Variants in LRRC8E observed in about 807,000 individuals in gnomAD.
LRRC8E encodes volume-regulated anion channel subunit LRRC8E.
In LRRC8E, 6 loss-of-function variants were observed where a neutral mutation model predicts 6.1. The observed-to-expected ratio is 0.98, with a 90% CI of 0.54 to 1.93. The LOEUF is 1.93. Among genes scored for constraint, LRRC8E ranks in the 30% most tolerant of loss-of-function variants. The pLI is 0.01. For synonymous variants in LRRC8E, 485 were observed against 472.8 expected, an observed-to-expected ratio of 1.03 and a Z score of -0.33; for missense variants, 1,028 against 1,031.4, an observed-to-expected ratio of 1.00 and a Z score of 0.04.
At chr19:7,889,734 CTCTA>C (rs1981204574) in intron 1 of LRRC8E, among the ~76,000 whole-genome samples, 1 of 146,428 alleles carries the variant, frequency 6.8e-6, no homozygotes, top group African/African-American at 2.5e-5. Context: ...CAGAGCAAGA[CTCTA>C]TCTCTCTCTC....
intron 1 of LRRC8E, among the ~76,000 whole-genome samples, chr19:7,889,685 A>G (rs1981202047): frequency 1.3e-5 from 2 of 150,202 alleles, no homozygotes; most frequent in East Asian, 2.0e-4. Context: ...CGAGACTACT[A>G]TGAGCTATGA....
chr19:7,900,005 G>A lies in LRRC8E; in HGVS notation c.1483G>A (p.Glu495Lys). 6.2e-7 allele frequency: 1 copy of A among 1,609,680 alleles called. No homozygotes were observed. The highest frequency in any genetic ancestry group is 8.5e-7 in the Non-Finnish European group (1 of 1,179,422). Reference protein sequence around the residue: ...HLKVMRVKCEELREVPLWVFG... With the variant: ...HLKVMRVKCEKLREVPLWVFG... ...GAAGGTGATGCGCGTCAAATGCGAGGAGCTCCGCGAGGTGCCGCTTTGGGT... is the reference window on the plus strand; with the variant it reads ...GAAGGTGATGCGCGTCAAATGCGAGAAGCTCCGCGAGGTGCCGCTTTGGGT... The change falls in exon 3 of 3, where the codon GAG (glutamate) becomes AAG (lysine). Residue 495 changes from glutamate (E) to lysine (K), a missense_variant. Transcript: ENST00000306708. This position sits in a 1 kb window ranked among gnomAD's most constrained non-coding sequence, Gnocchi z 5.0.
chr19:7,898,295 G>C (rs906381337), intron 2 of LRRC8E, among the ~76,000 whole-genome samples: 1 of 151,446 alleles, frequency 6.6e-6, no homozygotes, highest in Non-Finnish European at 1.5e-5. Context: ...GTCAGAGATG[G>C]GGGGTGCGGG....
At position 7,898,849 on chromosome 19, in the gene LRRC8E, G is replaced by C. The variant is rs147836611; in HGVS notation, c.327G>C (p.Thr109=). 3 of 1,614,052 alleles carry C rather than the reference G, an allele frequency of 1.9e-6. No individual in the cohort carries two copies. The highest frequency in any genetic ancestry group is 1.3e-5 in the African/African-American group (1 of 74,916). Residue 109 remains threonine (T), a synonymous_variant, in exon 3 of 3, where the codon ACG becomes ACC. Transcript: ENST00000306708. The part of the protein sequence containing the change: ...YSFINQLCYE[T]ALHWYAKYFP... Reference sequence around the variant, plus strand: ...TTATTAACCAGCTGTGTTATGAGACGGCCCTGCACTGGTATGCCAAGTACT... The same window carrying C: ...TTATTAACCAGCTGTGTTATGAGACCGCCCTGCACTGGTATGCCAAGTACT...
chr19:7,888,848 CAGGCTGA>C (rs997884080), intron 1 of LRRC8E, among the ~76,000 whole-genome samples: 1 of 152,164 alleles, frequency 6.6e-6, no homozygotes, highest in Admixed American at 6.5e-5. Context: ...TGAAGATAAA[CAGGCTGA>C]AGATAAACTT....
chr19:7,899,015 G>A lies in LRRC8E; in HGVS notation c.493G>A (p.Ala165Thr). 1 of 1,613,878 alleles carries A rather than the reference G, an allele frequency of 6.2e-7. No individual in the cohort carries two copies. The highest frequency in any genetic ancestry group is 8.5e-7 in the Non-Finnish European group (1 of 1,180,032). The part of the protein sequence containing the change: ...KCFDSPWTTR[A>T]LSEVSGENQK... Reference sequence around the variant, plus strand: ...TTTCGACTCTCCATGGACCACCAGGGCCCTATCCGAGGTCTCCGGGGAGAA... The same window carrying A: ...TTTCGACTCTCCATGGACCACCAGGACCCTATCCGAGGTCTCCGGGGAGAA... The change falls in exon 3 of 3, where the codon GCC (alanine) becomes ACC (threonine). Residue 165 changes from alanine (A) to threonine (T), a missense_variant. By Grantham distance (58) the Ala-to-Thr change is moderately conservative (BLOSUM62 0). Coordinates refer to ENST00000306708, the MANE Select transcript of LRRC8E (RefSeq NM_025061.6).
chr19:7,898,303 G>A (rs1187994562), intron 2 of LRRC8E, among the ~76,000 whole-genome samples: 5 of 151,278 alleles, frequency 3.3e-5, no homozygotes, highest in South Asian at 4.2e-4. Context: ...TGGGGGGTGC[G>A]GGGGGTCTCC....
In LRRC8E at chr19:7,900,314, C is replaced by T; in HGVS notation, c.1792C>T (p.Pro598Ser). ...GGTGGCCTGCGGGCTGGAGCGCATC[C>T]CCCATGCAGTGTTCAGCCTGGGTGC... ...ELVACGLERI[P>S]HAVFSLGALQ... is the part of the protein sequence containing the mutation. The change falls in exon 3 of 3, where the codon CCC becomes TCC. Residue 598 changes from proline to serine, a missense_variant. By Grantham distance (74) the Pro-to-Ser change is moderately conservative. Coordinates refer to ENST00000306708, the MANE Select transcript of LRRC8E (RefSeq NM_025061.6). The surrounding 1 kb of genome is among the most constrained non-coding windows in gnomAD (Gnocchi z 5.0). 1.9e-6 allele frequency: 3 copies of T among 1,613,314 alleles called. No homozygotes were observed. The highest frequency in any genetic ancestry group is 2.5e-6 in the Non-Finnish European group (3 of 1,180,010).
rs1274196631 is a variant in LRRC8E at position 7,898,786 on chromosome 19, A to C, written c.264A>C (p.Lys88Asn). Residue 88 changes from lysine (K) to asparagine (N), a missense_variant, in exon 3 of 3, where the codon AAA (lysine) becomes AAC (asparagine). Coordinates refer to ENST00000306708, the MANE Select transcript of LRRC8E (RefSeq NM_025061.6). ...PEQIGALQEV[K>N]GLKNNLDLQQ... The stretch of plus-strand genomic sequence containing the variant: ...AGATTGGGGCCCTGCAGGAGGTTAA[A>C]GGCCTTAAGAACAATTTGGACCTGC... The C allele has an allele frequency of 1.3e-5, 21 of 1,614,052 alleles. No individual in the cohort carries two copies. Among genetic ancestry groups the C allele is most frequent in the Non-Finnish European group, 1.8e-5 (21 of 1,180,034 alleles).
In LRRC8E at chr19:7,900,092, C is replaced by T. The variant is rs764939039; in HGVS notation, c.1570C>T (p.Arg524Trp). 24 of 1,612,170 alleles carry T rather than the reference C, an allele frequency of 1.5e-5. 1 individual carries two copies. The East Asian group carries it at 1.6e-4, about 10-fold the overall frequency. ...GGGGCTTTTCCCCCAGGAGCTAGCT[C>T]GGGCAGCCACCCTGGAGAGCCTCCG... ...LEGLFPQELARAATLESLREL... is the reference protein window; with the variant it reads ...LEGLFPQELAWAATLESLREL... The change falls in exon 3 of 3, where the codon CGG becomes TGG. Residue 524 changes from arginine to tryptophan, a missense_variant. Arg to Trp is a moderately radical substitution (Grantham distance 101). Coordinates refer to ENST00000306708, the MANE Select transcript of LRRC8E (RefSeq NM_025061.6). This position sits in a 1 kb window ranked among gnomAD's most constrained non-coding sequence, Gnocchi z 5.0.
chr19:7,898,862 T>C lies in LRRC8E; in HGVS notation c.340T>C (p.Tyr114His), dbSNP rs764311181. The stretch of plus-strand genomic sequence containing the variant: ...GTGTTATGAGACGGCCCTGCACTGG[T>C]ATGCCAAGTACTTCCCTTACCTCGT... The part of the protein sequence containing the change: ...QLCYETALHW[Y>H]AKYFPYLVVI... The change falls in exon 3 of 3, where the codon TAT (tyrosine) becomes CAT (histidine). Residue 114 changes from tyrosine to histidine, a missense_variant. Coordinates refer to ENST00000306708, the MANE Select transcript of LRRC8E (RefSeq NM_025061.6). The C allele has an allele frequency of 6.2e-7, 1 of 1,614,220 alleles. No individual in the cohort carries two copies. The highest frequency in any genetic ancestry group is 1.1e-5 in the South Asian group (1 of 91,090).
In LRRC8E at chr19:7,901,302, C is replaced by G. The variant is rs1040407928; in HGVS notation, c.*389C>G. On this transcript the variant is annotated 3_prime_UTR_variant, in exon 3 of 3. Coordinates refer to ENST00000306708, the MANE Select transcript of LRRC8E (RefSeq NM_025061.6). The stretch of plus-strand genomic sequence containing the variant: ...CCCAGTGGGATTTCCAACACTCCCC[C>G]TCCCCATGCAACAAAGCAACTTACT... The G allele has an allele frequency of 5.8e-6, 1 of 171,198 alleles. No homozygotes were observed. The highest frequency in any genetic ancestry group is 2.4e-5 in the African/African-American group (1 of 42,004). The allele number at this position is 171,198 out of a possible 1,614,324, so 10.6% of individuals were successfully genotyped here.
In LRRC8E at chr19:7,900,146, C is replaced by T. The variant is rs866477871; in HGVS notation, c.1624C>T (p.Leu542Phe). 3.7e-6 allele frequency: 6 copies of T among 1,612,884 alleles called. No homozygotes were observed. The African/African-American group carries it at 6.7e-5, about 18-fold the overall frequency. Residue 542 changes from leucine (L) to phenylalanine (F), a missense_variant, in exon 3 of 3, where the codon CTC becomes TTC. By Grantham distance (22) the Leu-to-Phe change is conservative. Coordinates refer to ENST00000306708, the MANE Select transcript of LRRC8E (RefSeq NM_025061.6). This position sits in a 1 kb window ranked among gnomAD's most constrained non-coding sequence, Gnocchi z 5.0. ...GCTGAAGCAGCTCAAGGTGTTGTCC[C>T]TCCGGAGCAACGCCGGGAAGGTGCC... is the stretch of plus-strand genomic sequence containing the variant. Reference protein sequence around the residue: ...RELKQLKVLSLRSNAGKVPAS... With the variant: ...RELKQLKVLSFRSNAGKVPAS...
Position 7,901,054 on chromosome 19 carries a change from G to T in LRRC8E, c.*141G>T, listed in dbSNP as rs1256863869. The T allele has an allele frequency of 5.8e-6, 4 of 694,584 alleles. No homozygotes were observed. The African/African-American group carries it at 7.1e-5, about 12-fold the overall frequency. 43.0% of individuals were successfully genotyped at this position (694,584 alleles called of 1,614,324 possible). A position where few individuals can be genotyped will look rare whatever the true frequency, so the allele number is the denominator to read the frequency against. The stretch of plus-strand genomic sequence containing the variant: ...GGGGGCAGCTGTGTCATCTTTCTGG[G>T]GCCCAGGAGGATCTGGGCTGGTTTG... On this transcript the variant is annotated 3_prime_UTR_variant, in exon 3 of 3. Coordinates refer to ENST00000306708, the MANE Select transcript of LRRC8E (RefSeq NM_025061.6).
At position 7,899,814 on chromosome 19, in the gene LRRC8E, A is replaced by G. The variant is rs749110589; in HGVS notation, c.1292A>G (p.Asp431Gly). The change falls in exon 3 of 3, where the codon GAC becomes GGC. Residue 431 changes from aspartate (D) to glycine (G), a missense_variant. By Grantham distance (94) the Asp-to-Gly change is moderately conservative (BLOSUM62 -1). Coordinates refer to ENST00000306708, the MANE Select transcript of LRRC8E (RefSeq NM_025061.6). ...CTCTGCATGCTGCCGGGTCTGCCCG[A>G]CACCGTCTTTGAGCTCAGTGAGGTG... The part of the protein sequence containing the change: ...LALCMLPGLP[D>G]TVFELSEVES... 10 of 1,607,360 alleles carry G rather than the reference A, an allele frequency of 6.2e-6. No individual in the cohort carries two copies. In the South Asian group the frequency reaches 6.6e-5, roughly 11 times the overall value.
rs779417024 is a variant in LRRC8E at position 7,900,588 on chromosome 19, A to G, written c.2066A>G (p.His689Arg). The G allele has an allele frequency of 4.3e-6, 7 of 1,613,038 alleles. No homozygotes were observed. The highest frequency in any genetic ancestry group is 4.2e-6 in the Non-Finnish European group (5 of 1,179,996). The stretch of plus-strand genomic sequence containing the variant: ...CTGGATGTGTCCCACAATGGGCTAC[A>G]CTCCCTGCCACCCGAGGTGGGCCTC... The part of the protein sequence containing the change: ...RLLDVSHNGL[H>R]SLPPEVGLLQ... Residue 689 changes from histidine (H) to arginine (R), a missense_variant, in exon 3 of 3, where the codon CAC becomes CGC. Physicochemically the swap from His to Arg is conservative, Grantham distance 29 (BLOSUM62 0). Coordinates refer to ENST00000306708, the MANE Select transcript of LRRC8E (RefSeq NM_025061.6). This position sits in a 1 kb window ranked among gnomAD's most constrained non-coding sequence, Gnocchi z 5.0.
chr19:7,899,792 T>G lies in LRRC8E; in HGVS notation c.1270T>G (p.Cys424Gly), dbSNP rs1267559760. Residue 424 changes from cysteine (C) to glycine (G), a missense_variant, in exon 3 of 3, where the codon TGC becomes GGC. Coordinates refer to ENST00000306708, the MANE Select transcript of LRRC8E (RefSeq NM_025061.6). The part of the protein sequence containing the change: ...NAAGRLELAL[C>G]MLPGLPDTVF... ...CGCGGGCCGGCTGGAGCTGGCCCTC[T>G]GCATGCTGCCGGGTCTGCCCGACAC... 1 of 1,609,024 alleles carries G rather than the reference T, an allele frequency of 6.2e-7. No homozygotes were observed. The highest frequency in any genetic ancestry group is 8.5e-7 in the Non-Finnish European group (1 of 1,179,996).
At position 7,900,891 on chromosome 19, in the gene LRRC8E, G is replaced by C; in HGVS notation, c.2369G>C (p.Arg790Pro). Residue 790 changes from arginine (R) to proline (P), a missense_variant, in exon 3 of 3, where the codon CGG becomes CCG. Coordinates refer to ENST00000306708, the MANE Select transcript of LRRC8E (RefSeq NM_025061.6). The surrounding 1 kb of genome is among the most constrained non-coding windows in gnomAD (Gnocchi z 5.0). ...TLYQGLPAEV[R>P]DKMEEE Reference sequence around the variant, plus strand: ...TACCAGGGTCTGCCGGCAGAAGTGCGGGACAAGATGGAGGAGGAATGAAGC... The same window carrying C: ...TACCAGGGTCTGCCGGCAGAAGTGCCGGACAAGATGGAGGAGGAATGAAGC... 1 of 1,523,996 alleles carries C rather than the reference G, an allele frequency of 6.6e-7. No individual in the cohort carries two copies. The highest frequency in any genetic ancestry group is 8.8e-7 in the Non-Finnish European group (1 of 1,138,132). The allele number at this position is 1,523,996 out of a possible 1,614,324, so 94.4% of individuals were successfully genotyped here.
chr19:7,895,816 C>G lies in LRRC8E; in HGVS notation c.138+75C>G. The G allele has an allele frequency of 6.4e-7, 1 of 1,565,398 alleles. No individual in the cohort carries two copies. The highest frequency in any genetic ancestry group is 8.7e-7 in the Non-Finnish European group (1 of 1,145,418). On this transcript the variant is annotated intron_variant, in intron 2 of 2. Coordinates refer to ENST00000306708, the MANE Select transcript of LRRC8E (RefSeq NM_025061.6). The surrounding 1 kb of genome is among the most constrained non-coding windows in gnomAD (Gnocchi z 4.7). ...GTCTGGGGAAGTCGGGAAGCCTTCT[C>G]ATCACCCAAGAAAGAGAGGAAACTG... is the stretch of plus-strand genomic sequence containing the variant.
Sources: allele counts gnomAD v4.1 joint callset (sites outside exome capture counted in the v4.1 genomes callset), GRCh38; gene constraint gnomAD v4.1.1; non-coding constraint Gnocchi (gnomAD v3.1); transcripts MANE v1.5; gene names NCBI Gene and HGNC (gene_info 2026-07-23, HGNC 2026-07-21).